The following STRBP variants were observed in gnomAD, a reference collection of about 807,000 sequenced individuals.
STRBP encodes spermatid perinuclear RNA-binding protein.
A neutral mutation model predicts 80.1 loss-of-function variants in STRBP; 13 were observed. The observed-to-expected ratio is 0.16, with a 90% confidence interval of 0.11 to 0.26. The LOEUF is 0.26. Among genes scored for constraint, STRBP ranks in the 10% least tolerant of loss-of-function variants. The pLI, the probability that STRBP is intolerant of heterozygous loss-of-function variation, is 1.00. For missense variants in STRBP, 485 were observed against 815.2 expected (o/e 0.59, Z 4.93); for synonymous variants, 284 against 291.2 (o/e 0.98, Z 0.25).
At chr9:123,254,442 G>A (rs1054502864) in intron 1 of STRBP, among the ~76,000 whole-genome samples, 29 of 138,694 alleles carry the variant, frequency 2.1e-4, no homozygotes, top group East Asian at 6.6e-4. Context: ...GCCTGATCAC[G>A]TGAGACTCCG....
At chr9:123,132,810 T>A (rs1323456693) in intron 17 of STRBP, 35 bp downstream of exon 17, 1 of 1,609,832 alleles carries the variant, frequency 6.2e-7, no homozygotes. Flanking sequence ...TTCGGCCCAG[T>A]AAAGGGGGCC....
intron 17 of STRBP, 92 bp from the exon 18 acceptor site, chr9:123,128,350 G>T (rs2035982465): frequency 6.9e-7 from 1 of 1,441,382 alleles, no homozygotes; most frequent in East Asian, 2.3e-5. Context: ...AGCACCCTGG[G>T]CCCGGAGGAC....
At chr9:123,222,003 T>C (rs1184280328) in intron 2 of STRBP, among the ~76,000 whole-genome samples, 5 of 152,184 alleles carry the variant, frequency 3.3e-5, no homozygotes, top group Non-Finnish European at 5.9e-5. Flanking sequence ...ACCAGATTAT[T>C]ATGTGGGGTA....
At chr9:123,216,188 T>C (rs1455395083) in intron 2 of STRBP, among the ~76,000 whole-genome samples, 2 of 152,162 alleles carry the variant, frequency 1.3e-5, no homozygotes, top group African/African-American at 2.4e-5. Flanking sequence ...TTGCCTGGCA[T>C]GGACTGAATG....
At chr9:123,224,839 A>C (rs939081745) in intron 2 of STRBP, among the ~76,000 whole-genome samples, 1 of 152,216 alleles carries the variant, frequency 6.6e-6, no homozygotes, top group Admixed American at 6.5e-5. Context: ...CACAGAACCC[A>C]TGACCCATTA....
downstream of STRBP, among the ~76,000 whole-genome samples, chr9:123,120,657 A>T (rs1170932239): frequency 6.6e-6 from 1 of 152,156 alleles, no homozygotes; most frequent in East Asian, 1.9e-4. Flanking sequence ...TGTCATTAAA[A>T]AAAATGTGCT....
chr9:123,189,467 T>TAA (rs61601485), intron 2 of STRBP, among the ~76,000 whole-genome samples: 12 of 141,144 alleles, frequency 8.5e-5, no homozygotes, highest in Non-Finnish European at 1.7e-4. Flanking sequence ...ATAATAATAA[T>TAA]AAAAAAAAAG....
At position 123,151,706 on chromosome 9, in the gene STRBP, A is replaced by T. The variant is rs192117188; in HGVS notation, c.1046-3836T>A. On this transcript the variant is annotated intron_variant, in intron 11 of 18. Coordinates refer to ENST00000348403, the MANE Select transcript of STRBP (RefSeq NM_018387.5). ...ATCTGTGCTTAAAGGGAAATTTACC[A>T]TCTTAATAGTATATAAAATAAGAGG... Among the ~76,000 whole-genome samples, 372 of 152,340 alleles carry T rather than the reference A, an allele frequency of 2.4e-3. 1 individual carries two copies. Among genetic ancestry groups the T allele is most frequent in the Middle Eastern group, 0.017 (5 of 294 alleles).
At chr9:123,231,091 G>T (rs1025525313) in intron 2 of STRBP, among the ~76,000 whole-genome samples, 2 of 152,096 alleles carry the variant, frequency 1.3e-5, no homozygotes, top group Non-Finnish European at 2.9e-5. Context: ...GCTAGACATG[G>T]TACCCTCACA....
intron 2 of STRBP, among the ~76,000 whole-genome samples, chr9:123,218,602 C>T (rs1052603474): frequency 1.3e-5 from 2 of 151,672 alleles, no homozygotes; most frequent in Middle Eastern, 3.4e-3. Context: ...ATCTCCTGAC[C>T]TCATGATCCA....
rs1479015636 is a variant in STRBP at position 123,258,796 on chromosome 9, G to A, written c.-302+9640C>T. 1.6e-4 allele frequency among the ~76,000 whole-genome samples: 13 copies of A among 78,952 alleles called. No individual in the cohort carries two copies. The East Asian group carries it at 3.6e-3, about 22-fold the overall frequency. 51.8% of individuals were successfully genotyped at this position (78,952 alleles called of 152,430 possible). ...AGCCTGGGTGACAGAGCGAGACTCC[G>A]TCTCAAAAAAAAAAAAAAAAAAAGA... On this transcript the variant is annotated intron_variant, in intron 1 of 18. Transcript: ENST00000348403.
chr9:123,229,990 G>A (rs568740386), intron 2 of STRBP, among the ~76,000 whole-genome samples: 3 of 152,300 alleles, frequency 2.0e-5, no homozygotes, highest in Admixed American at 6.5e-5. Flanking sequence ...AGATTAGGAG[G>A]AGAGTCAGAT....
intron 2 of STRBP, among the ~76,000 whole-genome samples, chr9:123,226,958 T>A (rs1010366869): frequency 1.3e-5 from 2 of 152,180 alleles, no homozygotes; most frequent in Admixed American, 6.5e-5. Flanking sequence ...CATAACATGG[T>A]GGAAGGCATC....
chr9:123,223,851 C>T (rs555293864), intron 2 of STRBP, among the ~76,000 whole-genome samples: 7 of 151,934 alleles, frequency 4.6e-5, no homozygotes, highest in African/African-American at 9.7e-5. Context: ...CATTTCTTTG[C>T]GGGATAAGCT....
intron 2 of STRBP, among the ~76,000 whole-genome samples, chr9:123,186,129 G>A (rs1203600618): frequency 2.0e-5 from 3 of 151,646 alleles, no homozygotes; most frequent in African/African-American, 7.3e-5. Context: ...GATCACTTGA[G>A]CCTAGGAGTT....
chr9:123,125,734 A>T (rs1463613365), intron 18 of STRBP, 61 bp from the exon 19 acceptor site: 3 of 1,349,860 alleles, frequency 2.2e-6, no homozygotes, highest in Non-Finnish European at 2.1e-6. Context: ...TAAAAATTTC[A>T]GGTAAAAAAA....
intron 4 of STRBP, among the ~76,000 whole-genome samples, chr9:123,175,837 C>A (rs978875024): frequency 2.0e-5 from 3 of 152,218 alleles, no homozygotes; most frequent in Non-Finnish European, 2.9e-5. Flanking sequence ...TATACAGCAA[C>A]CAGAATAATC....
chr9:123,154,010 T>C (rs1310653894), intron 11 of STRBP, among the ~76,000 whole-genome samples: 1 of 152,150 alleles, frequency 6.6e-6, no homozygotes, highest in Admixed American at 6.6e-5. Context: ...TGGTATTTCA[T>C]TTCAGAAAAC....
intron 6 of STRBP, among the ~76,000 whole-genome samples, chr9:123,166,777 AACAACAAC>A (rs1468684412): frequency 3.3e-5 from 5 of 151,696 alleles, no homozygotes; most frequent in Admixed American, 6.6e-5. Context: ...CAACAACAAC[AACAACAAC>A]AACAACAAAA....
Sources: allele counts gnomAD v4.1 joint callset (sites outside exome capture counted in the v4.1 genomes callset), GRCh38; gene constraint gnomAD v4.1.1; transcripts MANE v1.5; gene names NCBI Gene and HGNC (gene_info 2026-07-23, HGNC 2026-07-21).